Variants in CLCN3 observed in about 807,000 individuals in gnomAD.
The protein encoded by CLCN3 is H(+)/Cl(-) exchange transporter 3.
Under a neutral mutation model 83.4 loss-of-function variants are expected in CLCN3, and 16 were observed. The observed-to-expected ratio is 0.19, with a 90% CI of 0.13 to 0.29. The LOEUF (loss-of-function observed/expected upper bound fraction) is 0.29, where lower values mean the gene tolerates loss of function less well. Ranked by LOEUF, CLCN3 falls within the 10% of genes least tolerant of loss-of-function variation. CLCN3 has a pLI of 1.00. For missense variants in CLCN3, 544 were observed against 1,006.0 expected (o/e 0.54, Z 6.21); for synonymous variants, 322 against 346.2 (o/e 0.93, Z 0.78).
Position 169,692,111 on chromosome 4 carries a change from T to C in CLCN3, c.730-3T>C. ...TTAAGCTGCCTTAATCTTTGCCTTG[T>C]AGATTAAAACTATTTTAAGTGGATT... On this transcript the variant is annotated splice_polypyrimidine_tract_variant and splice_region_variant and intron_variant, in intron 6 of 12. Coordinates refer to ENST00000513761, the MANE Select transcript of CLCN3 (RefSeq NM_001829.4). 1 of 1,546,266 alleles carries C rather than the reference T, an allele frequency of 6.5e-7. No homozygotes were observed.
chr4:169,716,735 C>G (rs1733436114), intron 12 of CLCN3, among the ~76,000 whole-genome samples: 1 of 152,014 alleles, frequency 6.6e-6, no homozygotes, highest in South Asian at 2.1e-4. Context: ...TCCTGCTCCC[C>G]CACCTCCCAC....
chr4:169,715,041 CTAT>C (rs1292276631), intron 12 of CLCN3, among the ~76,000 whole-genome samples: 1 of 152,044 alleles, frequency 6.6e-6, no homozygotes, highest in Non-Finnish European at 1.5e-5. Context: ...TTGTTACAAA[CTAT>C]TATTTGCTTC....
chr4:169,629,235 C>T (rs1470836843), intron 1 of CLCN3, among the ~76,000 whole-genome samples: 2 of 151,778 alleles, frequency 1.3e-5, no homozygotes, highest in Non-Finnish European at 2.9e-5. Context: ...TATAGTTTTG[C>T]GAGATGTTCC....
Position 169,723,304 on chromosome 4 carries a change from T to G in CLCN3, c.*3307T>G. On this transcript the variant is annotated 3_prime_UTR_variant, in exon 13 of 13. Coordinates refer to ENST00000513761, the MANE Select transcript of CLCN3 (RefSeq NM_001829.4). ...CCAAAAAGGTAATAATTATAATGCT[T>G]CTCTCAGGTTACAAAGCATTTCTAC... The G allele has an allele frequency of 6.6e-6, 1 of 152,160 alleles. No homozygotes were observed. The highest frequency in any genetic ancestry group is 1.9e-4 in the East Asian group (1 of 5,186). 9.4% of individuals were successfully genotyped at this position (152,160 alleles called of 1,614,324 possible). A position where few individuals can be genotyped will look rare whatever the true frequency, so the allele number is the denominator to read the frequency against.
intron 9 of CLCN3, among the ~76,000 whole-genome samples, chr4:169,703,023 C>A (rs1159106185): frequency 1.3e-5 from 2 of 152,138 alleles, no homozygotes; most frequent in African/African-American, 4.8e-5. Context: ...AGCAGTCAGA[C>A]CACATACAAC....
At position 169,656,439 on chromosome 4, in the gene CLCN3, A is replaced by T. The variant is rs116375519; in HGVS notation, c.160+20351A>T. On this transcript the variant is annotated intron_variant, in intron 2 of 12. Transcript: ENST00000513761. ...CATGAGTACTCTATAATGAGATAGC[A>T]CCAAGTGGATGGTGCTAAACCTTTC... 9.1e-3 allele frequency among the ~76,000 whole-genome samples: 1,388 copies of T among 152,228 alleles called. 16 individuals carry two copies. The highest frequency in any genetic ancestry group is 0.032 in the African/African-American group (1,330 of 41,524).
intron 1 of CLCN3, among the ~76,000 whole-genome samples, chr4:169,628,770 T>G (rs912095111): frequency 6.6e-6 from 1 of 152,248 alleles, no homozygotes; most frequent in Non-Finnish European, 1.5e-5. Context: ...ATGTGACTAC[T>G]GTATGACCCA....
intron 2 of CLCN3, 127 bp downstream of exon 2, chr4:169,636,215 ACTT>A: frequency 1.2e-6 from 1 of 814,568 alleles, no homozygotes; most frequent in Non-Finnish European, 1.9e-6. Context: ...CATAACATAA[ACTT>A]AACCATTGTA....
At chr4:169,663,316 TGTTGTTGTTG>T (rs1560842650) in intron 2 of CLCN3, among the ~76,000 whole-genome samples, 3 of 65,362 alleles carry the variant, frequency 4.6e-5, no homozygotes, top group Admixed American at 2.1e-4. Flanking sequence ...TGGGTTTTTT[TGTTGTTGTTG>T]TTGTTGTTGT....
intron 2 of CLCN3, among the ~76,000 whole-genome samples, chr4:169,666,371 C>T (rs764457799): frequency 6.6e-6 from 1 of 152,160 alleles, no homozygotes; most frequent in Non-Finnish European, 1.5e-5. Flanking sequence ...GGTAAAGGTA[C>T]ACCCTGTGGC....
chr4:169,626,079 T>C (rs1240370426), intron 1 of CLCN3, among the ~76,000 whole-genome samples: 2 of 152,250 alleles, frequency 1.3e-5, no homozygotes, highest in Admixed American at 6.5e-5. Context: ...TGATTTTGCC[T>C]GTGCTTCTGA....
At chr4:169,682,503 AT>A (rs1411618372) in intron 3 of CLCN3, among the ~76,000 whole-genome samples, 10 of 152,250 alleles carry the variant, frequency 6.6e-5, no homozygotes, top group Non-Finnish European at 1.5e-4. Context: ...TAAAAATGGC[AT>A]TCCATGTAAG....
At chr4:169,658,250 T>C (rs952848451) in intron 2 of CLCN3, among the ~76,000 whole-genome samples, 4 of 151,486 alleles carry the variant, frequency 2.6e-5, no homozygotes, top group African/African-American at 7.3e-5. Context: ...ATATATTATA[T>C]ATACACACAA....
At chr4:169,709,280 A>G (rs547378787) in intron 11 of CLCN3, among the ~76,000 whole-genome samples, 2 of 151,816 alleles carry the variant, frequency 1.3e-5, no homozygotes, top group South Asian at 4.1e-4. Flanking sequence ...ATGCTAAACT[A>G]GATAGATTCT....
chr4:169,653,674 G>GCTTCCTATACA (rs1730801376), intron 2 of CLCN3, among the ~76,000 whole-genome samples: 1 of 149,194 alleles, frequency 6.7e-6, no homozygotes, highest in East Asian at 2.0e-4. Flanking sequence ...AAAGAAAAGA[G>GCTTCCTATACA]GTCGTGCAGG....
At chr4:169,689,364 G>A in intron 5 of CLCN3, 134 bp downstream of exon 5, 1 of 666,376 alleles carries the variant, frequency 1.5e-6, no homozygotes, top group South Asian at 2.6e-5. Flanking sequence ...ACACATTGCA[G>A]CAAGAAAGAA....
intron 1 of CLCN3, among the ~76,000 whole-genome samples, chr4:169,632,212 G>A (rs1773390080): frequency 1.3e-5 from 2 of 152,026 alleles, no homozygotes; most frequent in Non-Finnish European, 2.9e-5. Context: ...CCAGGCAGAG[G>A]GAGCAACAAA....
intron 1 of CLCN3, among the ~76,000 whole-genome samples, chr4:169,633,789 A>G (rs1773440436): frequency 6.6e-6 from 1 of 152,220 alleles, no homozygotes; most frequent in Admixed American, 6.5e-5. Flanking sequence ...CAAATATTTG[A>G]CATCCTTTTT....
At chr4:169,697,948 A>C (rs1346702159) in intron 9 of CLCN3, among the ~76,000 whole-genome samples, 1 of 152,248 alleles carries the variant, frequency 6.6e-6, no homozygotes, top group Non-Finnish European at 1.5e-5. Flanking sequence ...TTAGCAGCTT[A>C]AGGTAACTAC....
Sources: gnomAD v4.1 joint callset for allele counts (sites outside exome capture counted in the v4.1 genomes callset) on GRCh38, gnomAD v4.1.1 for gene constraint, MANE v1.5 for transcripts, NCBI Gene and HGNC (gene_info 2026-07-23, HGNC 2026-07-21) for gene names.